The following ABI1 variants were observed in gnomAD, a reference collection of about 807,000 sequenced individuals.
The protein encoded by ABI1 is abl interactor 1.
In ABI1, 14 loss-of-function variants were observed where a neutral mutation model predicts 54.6. The ratio of observed to expected loss-of-function variants is 0.26; its 90% CI spans 0.17 to 0.40. The LOEUF (loss-of-function observed/expected upper bound fraction) is 0.40. Among genes scored for constraint, ABI1 ranks in the 10% least tolerant of loss-of-function variants. The pLI is 1.00. For missense variants in ABI1, 443 were observed against 598.3 expected, an observed-to-expected ratio of 0.74 and a Z score of 2.71; for synonymous variants, 194 against 209.3, an observed-to-expected ratio of 0.93 and a Z score of 0.63.
At chr10:26,827,746 C>T (rs1430135148) in intron 1 of ABI1, among the ~76,000 whole-genome samples, 1 of 152,128 alleles carries the variant, frequency 6.6e-6, no homozygotes, top group Non-Finnish European at 1.5e-5. Context: ...GCATAAGCCA[C>T]CATGCCCAGG....
chr10:26,759,902 T>C (rs1838891632), intron 7 of ABI1, among the ~76,000 whole-genome samples: 1 of 152,064 alleles, frequency 6.6e-6, no homozygotes, highest in African/African-American at 2.4e-5. Context: ...TTGTTGTAGA[T>C]CTCCAAAGTT....
At chr10:26,797,344 TA>T (rs1564513045) in intron 2 of ABI1, among the ~76,000 whole-genome samples, 1 of 152,210 alleles carries the variant, frequency 6.6e-6, no homozygotes, top group East Asian at 1.9e-4. Context: ...TTCATTTATG[TA>T]AAAAGCCTGG....
chr10:26,773,880 A>G (rs564442537), intron 3 of ABI1, among the ~76,000 whole-genome samples: 1 of 152,298 alleles, frequency 6.6e-6, no homozygotes, highest in Non-Finnish European at 1.5e-5. Flanking sequence ...GAATCACTGT[A>G]AACTAAAACT....
chr10:26,770,453 C>T, intron 4 of ABI1, 108 bp from the exon 5 acceptor site: 1 of 1,129,326 alleles, frequency 8.9e-7, no homozygotes, highest in Admixed American at 1.7e-5. Flanking sequence ...TAAGGATTCC[C>T]AGACAGTTTG....
chr10:26,760,888 CAAAAAAAAAAAA>C (rs57750390), intron 7 of ABI1, among the ~76,000 whole-genome samples: 5 of 49,444 alleles, frequency 1.0e-4, no homozygotes, highest in South Asian at 2.0e-3. Flanking sequence ...GACTCCATCT[CAAAAAAAAAAAA>C]AAAAAAAAAA....
intron 2 of ABI1, among the ~76,000 whole-genome samples, chr10:26,795,754 T>C (rs1163748983): frequency 6.6e-6 from 1 of 151,824 alleles, no homozygotes; most frequent in East Asian, 1.9e-4. Context: ...AAGACACAAA[T>C]AAATGGACAG....
chr10:26,841,174 G>C (rs2049470462), intron 1 of ABI1, among the ~76,000 whole-genome samples: 1 of 152,076 alleles, frequency 6.6e-6, no homozygotes, highest in African/African-American at 2.4e-5. Context: ...GGAAACACCT[G>C]CCCACTCTTG....
In ABI1 at chr10:26,857,707, C is replaced by T. The variant is rs558325829; in HGVS notation, c.117+3040G>A. Among the ~76,000 whole-genome samples, 3 of 150,002 alleles carry T rather than the reference C, an allele frequency of 2.0e-5. No individual in the cohort carries two copies. The East Asian group carries it at 5.9e-4, about 29-fold the overall frequency. Reference sequence around the variant, plus strand: ...TTTACCCCATGGCAACTGTTAAAACCCTGTCCTTGCATATACCTGTGGTCT... The same window carrying T: ...TTTACCCCATGGCAACTGTTAAAACTCTGTCCTTGCATATACCTGTGGTCT... On this transcript the variant is annotated intron_variant, in intron 1 of 10. Transcript: ENST00000376140.
At chr10:26,784,559 T>A (rs1258524957) in intron 2 of ABI1, among the ~76,000 whole-genome samples, 1 of 126,054 alleles carries the variant, frequency 7.9e-6, no homozygotes, top group African/African-American at 2.9e-5. Flanking sequence ...TGGGGGGGAA[T>A]GGGGGGAGCG....
intron 2 of ABI1, among the ~76,000 whole-genome samples, chr10:26,797,228 C>CAATTTAATTTAATA (rs1844299741): frequency 2.0e-5 from 3 of 152,086 alleles, no homozygotes; most frequent in Non-Finnish European, 4.4e-5. Flanking sequence ...TCAAATGATG[C>CAATTTAATTTAATA]CATTTAATAG....
intron 7 of ABI1, chr10:26,764,049 G>A: frequency 5.1e-6 from 5 of 984,752 alleles, no homozygotes; most frequent in African/African-American, 3.3e-5. Context: ...GTATCGGGAA[G>A]AAAAAGAAAA....
At chr10:26,789,754 G>C (rs1843181186) in intron 2 of ABI1, among the ~76,000 whole-genome samples, 1 of 152,102 alleles carries the variant, frequency 6.6e-6, no homozygotes, top group Non-Finnish European at 1.5e-5. Context: ...TATCCATTAG[G>C]TTTTTCCTGG....
At chr10:26,842,241 A>G (rs2049575210) in intron 1 of ABI1, among the ~76,000 whole-genome samples, 1 of 152,218 alleles carries the variant, frequency 6.6e-6, no homozygotes, top group Non-Finnish European at 1.5e-5. Flanking sequence ...TTGAAAAAAC[A>G]TCTGTTCAAG....
chr10:26,779,540 C>T (rs1453381495), intron 2 of ABI1, among the ~76,000 whole-genome samples: 1 of 152,152 alleles, frequency 6.6e-6, no homozygotes, highest in Non-Finnish European at 1.5e-5. Flanking sequence ...AGACATACAT[C>T]TACACTGAGT....
chr10:26,771,248 G>A (rs902186917), intron 3 of ABI1, among the ~76,000 whole-genome samples, 159 bp from the exon 4 acceptor site: 4 of 152,092 alleles, frequency 2.6e-5, no homozygotes, highest in East Asian at 1.9e-4. Context: ...AGATCCATAC[G>A]TACTGGGGAA....
At chr10:26,805,848 G>C (rs1393947001) in intron 2 of ABI1, among the ~76,000 whole-genome samples, 1 of 152,078 alleles carries the variant, frequency 6.6e-6, no homozygotes, top group Non-Finnish European at 1.5e-5. Flanking sequence ...GAAGCCAAAG[G>C]ATACCAGCTA....
chr10:26,777,172 A>G lies in ABI1; in HGVS notation c.355T>C (p.Ser119Pro). 3.7e-6 allele frequency: 6 copies of G among 1,613,790 alleles called. No individual in the cohort carries two copies. Among genetic ancestry groups the G allele is most frequent in the Non-Finnish European group, 5.1e-6 (6 of 1,179,838 alleles). ...IGILTTNKNT[S>P]RTHKIIAPAN... ...GGTGCTATTATTTTGTGAGTTCTTG[A>G]TGTATTCTTATTTGTTGTCAAAATA... The change falls in exon 3 of 11, where the codon TCA (serine) becomes CCA (proline). Residue 119 changes from serine (S) to proline (P), a missense_variant. By Grantham distance (74) the Ser-to-Pro change is moderately conservative (BLOSUM62 -1). Around this residue, in one of 2 missense-constraint regions of ABI1, gnomAD observed 394 missense variants for 484.8 expected, o/e 0.81. Coordinates refer to ENST00000376140, the MANE Select transcript of ABI1 (RefSeq NM_001012750.3).
rs568956027 is a variant in ABI1 at position 26,791,738 on chromosome 10, A to C, written c.286-14497T>G. On this transcript the variant is annotated intron_variant, in intron 2 of 10. Coordinates refer to ENST00000376140, the MANE Select transcript of ABI1 (RefSeq NM_001012750.3). ...TAAGGAAACTTGGTATCTTACAGTG[A>C]TAGCACAGTAAGAAGAATGTTTTAT... is the stretch of plus-strand genomic sequence containing the variant. 7.2e-4 allele frequency among the ~76,000 whole-genome samples: 110 copies of C among 152,316 alleles called. 1 individual carries two copies. The highest frequency in any genetic ancestry group is 2.5e-3 in the African/African-American group (103 of 41,562).
intron 2 of ABI1, among the ~76,000 whole-genome samples, chr10:26,792,710 A>G (rs560467053): frequency 5.9e-5 from 9 of 152,328 alleles, no homozygotes; most frequent in Admixed American, 5.2e-4. Context: ...AAAATATTCT[A>G]AAAGCAATTA....
Sources: allele counts gnomAD v4.1 joint callset (sites outside exome capture counted in the v4.1 genomes callset), GRCh38; gene constraint gnomAD v4.1.1; regional missense constraint gnomAD v4.1.1; transcripts MANE v1.5; gene names NCBI Gene and HGNC (gene_info 2026-07-23, HGNC 2026-07-21).